The following MARCHF2 variants were observed in gnomAD, a reference collection of about 807,000 sequenced individuals.
MARCHF2 encodes membrane associated ring-CH-type finger 2.
A neutral mutation model predicts 24.0 loss-of-function variants in MARCHF2; 22 were observed. That is an observed-to-expected ratio of 0.92 (90% CI 0.66 to 1.31). The LOEUF (loss-of-function observed/expected upper bound fraction) is 1.31, where lower values mean the gene tolerates loss of function less well. MARCHF2 is among the 50% of genes most tolerant of loss of function. MARCHF2 has a pLI of 0.00. For synonymous variants in MARCHF2, 154 were observed against 153.0 expected (o/e 1.01, Z -0.05); for missense variants, 301 against 335.3 (o/e 0.90, Z 0.80).
At chr19:8,427,059 CTTT>C (rs199941961) in intron 3 of MARCHF2, among the ~76,000 whole-genome samples, 1 of 151,846 alleles carries the variant, frequency 6.6e-6, no homozygotes, top group Non-Finnish European at 1.5e-5. Flanking sequence ...TCTCCTTCTT[CTTT>C]TTTTTGAGAC....
intron 2 of MARCHF2, among the ~76,000 whole-genome samples, chr19:8,425,511 G>A (rs1967374271): frequency 6.6e-6 from 1 of 151,996 alleles, no homozygotes; most frequent in South Asian, 2.1e-4. Context: ...CTTCCAAAGT[G>A]CTAGAATTAC....
chr19:8,432,549 G>T (rs1168042515), intron 4 of MARCHF2, among the ~76,000 whole-genome samples: 1 of 152,020 alleles, frequency 6.6e-6, no homozygotes, highest in Non-Finnish European at 1.5e-5. Context: ...AATATTTTAG[G>T]AGGCCGAGGT....
At chr19:8,414,408 A>G (rs999946095) in intron 1 of MARCHF2, among the ~76,000 whole-genome samples, 16 of 151,900 alleles carry the variant, frequency 1.1e-4, no homozygotes, top group Non-Finnish European at 2.9e-5. Context: ...AGTTGGGATT[A>G]CAGGCCCCCG....
intron 4 of MARCHF2, 91 bp from the exon 5 acceptor site, chr19:8,438,297 C>T (rs1967783778): frequency 7.5e-7 from 1 of 1,332,522 alleles, no homozygotes; most frequent in Non-Finnish European, 1.1e-6. Flanking sequence ...GAGCCCCAGC[C>T]ATGGTTTGGG....
intron 1 of MARCHF2, among the ~76,000 whole-genome samples, chr19:8,416,489 C>T (rs1046047333): frequency 3.9e-5 from 6 of 152,062 alleles, no homozygotes; most frequent in Admixed American, 1.3e-4. Context: ...GGACAACAGA[C>T]GTGGCTAAAT....
chr19:8,416,399 G>A (rs917716749), intron 1 of MARCHF2, among the ~76,000 whole-genome samples: 1 of 151,790 alleles, frequency 6.6e-6, no homozygotes, highest in Non-Finnish European at 1.5e-5. Context: ...GCAGCTCTGG[G>A]CTAGACAGAG....
rs757438010 is a variant in MARCHF2 at position 8,421,978 on chromosome 19, G to C, written c.138G>C (p.Arg46=). Residue 46 remains arginine (R), a synonymous_variant, in exon 2 of 5, where the codon CGG becomes CGC. Transcript: ENST00000215555. ...YVAQVTSRDG[R]LLSTVIRALD... is the part of the protein sequence containing the mutation. Reference sequence around the variant, plus strand: ...CACAGGTGACTTCAAGGGATGGCCGGCTCCTCTCCACCGTCATCCGTGCCT... The same window carrying C: ...CACAGGTGACTTCAAGGGATGGCCGCCTCCTCTCCACCGTCATCCGTGCCT... 1.2e-6 allele frequency: 2 copies of C among 1,613,204 alleles called. No homozygotes were observed.
At chr19:8,415,729 A>AAAAAAAAAG (rs1967062252) in intron 1 of MARCHF2, among the ~76,000 whole-genome samples, 1 of 94,832 alleles carries the variant, frequency 1.1e-5, no homozygotes, top group Non-Finnish European at 2.2e-5. Context: ...CTCAAAAAAA[A>AAAAAAAAAG]AAAAACAAAA....
chr19:8,431,497 C>CAAAA (rs60782968), intron 4 of MARCHF2, among the ~76,000 whole-genome samples: 107 of 56,612 alleles, frequency 1.9e-3, no homozygotes, highest in Non-Finnish European at 2.7e-3. Flanking sequence ...AACTCGATCT[C>CAAAA]AAAAAAAAAA....
intron 4 of MARCHF2, among the ~76,000 whole-genome samples, chr19:8,436,466 T>C (rs1206072910): frequency 6.6e-6 from 1 of 151,914 alleles, no homozygotes; most frequent in East Asian, 1.9e-4. Flanking sequence ...CAGAGTAGTT[T>C]CGTTGCCCTA....
rs774577684 is a variant in MARCHF2, at chr19:8,426,829, G to A, written c.372+25G>A. On this transcript the variant is annotated intron_variant, in intron 3 of 4. Transcript: ENST00000215555. The stretch of plus-strand genomic sequence containing the variant: ...GGTACCCTTAAGAGTCTGAGACTGC[G>A]GTGGGCAGTGGGGAGAGGGCAGACA... 8.7e-6 allele frequency: 14 copies of A among 1,602,852 alleles called. No homozygotes were observed. The East Asian group carries it at 9.0e-5, about 10-fold the overall frequency.
chr19:8,426,752 A>G lies in MARCHF2; in HGVS notation c.320A>G (p.Glu107Gly). The part of the protein sequence containing the change: ...WLSSSNTSYC[E>G]LCHTEFAVEK... ...TCCTCATCTAACACCAGCTACTGCG[A>G]GCTGTGCCACACGGAGTTTGCAGTG... is the stretch of plus-strand genomic sequence containing the variant. Residue 107 changes from glutamate to glycine, a missense_variant, in exon 3 of 5, where the codon GAG becomes GGG. Physicochemically the swap from Glu to Gly is moderately conservative, Grantham distance 98. Transcript: ENST00000215555. 6.2e-7 allele frequency: 1 copy of G among 1,612,694 alleles called. No homozygotes were observed. Among genetic ancestry groups the G allele is most frequent in the Non-Finnish European group, 8.5e-7 (1 of 1,180,018 alleles).
intron 3 of MARCHF2, among the ~76,000 whole-genome samples, chr19:8,428,539 A>G (rs1348887106): frequency 2.1e-5 from 3 of 146,266 alleles, no homozygotes; most frequent in South Asian, 2.2e-4. Flanking sequence ...AATCCCAGCT[A>G]CTTGGGAGGC....
intron 2 of MARCHF2, among the ~76,000 whole-genome samples, chr19:8,422,528 G>T (rs1967277197): frequency 6.6e-6 from 1 of 150,926 alleles, no homozygotes; most frequent in Non-Finnish European, 1.5e-5. Context: ...GAGTAGCTGG[G>T]ATTACAGGCA....
Position 8,426,740 on chromosome 19 carries a change from C to T in MARCHF2, c.308C>T (p.Thr103Ile). 2 of 1,612,842 alleles carry T rather than the reference C, an allele frequency of 1.2e-6. No homozygotes were observed. The highest frequency in any genetic ancestry group is 1.7e-6 in the Non-Finnish European group (2 of 1,180,018). The part of the protein sequence containing the change: ...CLEKWLSSSN[T>I]SYCELCHTEF... ...GAGAAGTGGCTTTCCTCATCTAACACCAGCTACTGCGAGCTGTGCCACACG... is the reference window on the plus strand; with the variant it reads ...GAGAAGTGGCTTTCCTCATCTAACATCAGCTACTGCGAGCTGTGCCACACG... The change falls in exon 3 of 5, where the codon ACC becomes ATC. Residue 103 changes from threonine (T) to isoleucine (I), a missense_variant. By Grantham distance (89) the Thr-to-Ile change is moderately conservative. Transcript: ENST00000215555.
chr19:8,422,464 C>T (rs887682147), intron 2 of MARCHF2, among the ~76,000 whole-genome samples: 1 of 151,842 alleles, frequency 6.6e-6, no homozygotes, highest in Non-Finnish European at 1.5e-5. Flanking sequence ...GCAGTCTCAG[C>T]TCACTGAAAC....
chr19:8,438,543 A>G lies in MARCHF2; in HGVS notation c.738A>G (p.Val246=). Residue 246 remains valine (V), a synonymous_variant, in exon 5 of 5, where the codon GTA becomes GTG. Transcript: ENST00000215555. ...LLKKVAEETP[V] is the part of the protein sequence containing the mutation. ...AGAAGGTGGCAGAGGAGACACCAGTATGAATGCTGGGCTCTCCGGACCCTG... is the reference window on the plus strand; with the variant it reads ...AGAAGGTGGCAGAGGAGACACCAGTGTGAATGCTGGGCTCTCCGGACCCTG... The G allele has an allele frequency of 1.2e-6, 2 of 1,614,042 alleles. No homozygotes were observed. The highest frequency in any genetic ancestry group is 1.7e-6 in the Non-Finnish European group (2 of 1,180,022).
rs1967603518 is a variant in MARCHF2, at chr19:8,432,168, A to G, written c.582+1301A>G. ...GTGAGATTCTGTCTTTAAAAAAAGAAAAAGAAAGAAAGAAAAGAAAAGAAA... is the reference window on the plus strand; with the variant it reads ...GTGAGATTCTGTCTTTAAAAAAAGAGAAAGAAAGAAAGAAAAGAAAAGAAA... On this transcript the variant is annotated intron_variant, in intron 4 of 4. Coordinates refer to ENST00000215555, the MANE Select transcript of MARCHF2 (RefSeq NM_001005415.2). 2.0e-5 allele frequency among the ~76,000 whole-genome samples: 3 copies of G among 152,034 alleles called. No homozygotes were observed. The South Asian group carries it at 6.2e-4, about 32-fold the overall frequency.
At chr19:8,423,441 C>G (rs1967309362) in intron 2 of MARCHF2, 1 of 151,976 alleles carries the variant, frequency 6.6e-6, no homozygotes, top group African/African-American at 2.4e-5. Context: ...CCTCAAGATT[C>G]TCGTCACTTC....
Sources: gnomAD v4.1 joint callset for allele counts (sites outside exome capture counted in the v4.1 genomes callset) on GRCh38, gnomAD v4.1.1 for gene constraint, MANE v1.5 for transcripts, NCBI Gene and HGNC (gene_info 2026-07-23, HGNC 2026-07-21) for gene names.